Variants in JAZF1 observed in about 807,000 individuals in gnomAD.
The protein encoded by JAZF1 is JAZF zinc finger 1.
Under a neutral mutation model 26.4 loss-of-function variants are expected in JAZF1, and 8 were observed. The observed-to-expected ratio is 0.30, with a 90% CI of 0.18 to 0.55. The LOEUF (loss-of-function observed/expected upper bound fraction) is 0.55. Among genes scored for constraint, JAZF1 ranks in the 20% least tolerant of loss-of-function variants. JAZF1 has a pLI of 0.94. For missense variants in JAZF1, 199 were observed against 322.0 expected (o/e 0.62, Z 2.92); for synonymous variants, 126 against 122.3 (o/e 1.03, Z -0.20).
intron 2 of JAZF1, among the ~76,000 whole-genome samples, chr7:27,959,730 T>G (rs904477551): frequency 6.7e-6 from 1 of 148,244 alleles, no homozygotes; most frequent in Non-Finnish European, 1.5e-5. Flanking sequence ...CGAAACACCA[T>G]CTCTACTAAA....
intron 2 of JAZF1, among the ~76,000 whole-genome samples, chr7:27,931,145 T>C (rs1468879731): frequency 6.6e-6 from 1 of 152,226 alleles, no homozygotes; most frequent in Non-Finnish European, 1.5e-5. Flanking sequence ...AAACTTTCTG[T>C]AAAGGGTCAG....
At chr7:28,146,693 T>C (rs1015850185) in intron 1 of JAZF1, among the ~76,000 whole-genome samples, 3 of 152,190 alleles carry the variant, frequency 2.0e-5, no homozygotes, top group Non-Finnish European at 2.9e-5. Flanking sequence ...CATTTAAAAA[T>C]AGAAGTTCTG....
intron 2 of JAZF1, among the ~76,000 whole-genome samples, chr7:27,929,953 T>TCTCTCTCCCC (rs1446947688): frequency 6.6e-6 from 1 of 151,572 alleles, no homozygotes; most frequent in Non-Finnish European, 1.5e-5. Flanking sequence ...TCTCTCTCTC[T>TCTCTCTCCCC]CTCTCTCCCC....
intron 1 of JAZF1, among the ~76,000 whole-genome samples, chr7:28,001,091 T>A (rs1453530533): frequency 6.6e-6 from 1 of 151,984 alleles, no homozygotes; most frequent in African/African-American, 2.4e-5. Context: ...CAGTGGCTCA[T>A]GTCTGTAATC....
chr7:28,121,143 T>C (rs1782594666), intron 1 of JAZF1, among the ~76,000 whole-genome samples: 1 of 136,878 alleles, frequency 7.3e-6, no homozygotes, highest in Non-Finnish European at 1.5e-5. Flanking sequence ...GAAATTGCAG[T>C]GAGCCGAGAT....
intron 1 of JAZF1, among the ~76,000 whole-genome samples, chr7:28,054,354 A>T (rs1045672175): frequency 1.3e-5 from 2 of 152,210 alleles, no homozygotes; most frequent in Non-Finnish European, 2.9e-5. Flanking sequence ...CCTTTATAAC[A>T]ACTGATACAT....
At chr7:28,078,610 T>C (rs955021154) in intron 1 of JAZF1, among the ~76,000 whole-genome samples, 1 of 152,238 alleles carries the variant, frequency 6.6e-6, no homozygotes, top group Admixed American at 6.5e-5. Context: ...CCACTTGACA[T>C]GAAATATACA....
intron 3 of JAZF1, among the ~76,000 whole-genome samples, chr7:27,875,732 C>G (rs1405850680): frequency 6.6e-6 from 1 of 152,214 alleles, no homozygotes; most frequent in Non-Finnish European, 1.5e-5. Context: ...TCTGTCTCCC[C>G]ACTAGTCTCT....
intron 1 of JAZF1, among the ~76,000 whole-genome samples, chr7:28,076,354 A>G (rs1161392981): frequency 6.6e-6 from 1 of 152,354 alleles, no homozygotes; most frequent in East Asian, 1.9e-4. Flanking sequence ...AGAAACTGTG[A>G]CAATAAAAAT....
At chr7:27,981,465 G>A (rs1199348953) in intron 2 of JAZF1, among the ~76,000 whole-genome samples, 2 of 152,156 alleles carry the variant, frequency 1.3e-5, no homozygotes, top group Non-Finnish European at 2.9e-5. Context: ...GGAGAAATCT[G>A]AATATTAGAT....
In JAZF1 at chr7:27,832,997, T is replaced by G. The variant is rs1184062916; in HGVS notation, c.556-21A>C. On this transcript the variant is annotated intron_variant, in intron 4 of 4. Transcript: ENST00000283928. ...ACATTCTGTGGAGAAGACAAAAATA[T>G]TTATTACATGGATTCACAGGATACC... 7 of 1,527,230 alleles carry G rather than the reference T, an allele frequency of 4.6e-6. No homozygotes were observed. The Admixed American group carries it at 1.0e-4, about 23-fold the overall frequency. 94.6% of individuals were successfully genotyped at this position (1,527,230 alleles called of 1,614,324 possible). A position where few individuals can be genotyped will look rare whatever the true frequency, so the allele number is the denominator to read the frequency against.
At chr7:27,912,248 T>G (rs1201282898) in intron 2 of JAZF1, among the ~76,000 whole-genome samples, 1 of 152,228 alleles carries the variant, frequency 6.6e-6, no homozygotes, top group East Asian at 1.9e-4. Context: ...TCACTTACAC[T>G]TCTTTCAGTT....
chr7:28,122,469 T>C (rs750530431), intron 1 of JAZF1, among the ~76,000 whole-genome samples: 1 of 152,104 alleles, frequency 6.6e-6, no homozygotes, highest in Non-Finnish European at 1.5e-5. Context: ...CTGGAGCTCT[T>C]TTGGGTGTCT....
intron 3 of JAZF1, chr7:27,842,022 A>C (rs1782933654): frequency 6.6e-6 from 1 of 152,096 alleles, no homozygotes; most frequent in Admixed American, 6.5e-5. Flanking sequence ...ACTCTGCTAC[A>C]TCAATTATTT....
At chr7:27,871,674 G>A (rs1783584256) in intron 3 of JAZF1, among the ~76,000 whole-genome samples, 1 of 152,200 alleles carries the variant, frequency 6.6e-6, no homozygotes, top group South Asian at 2.1e-4. Flanking sequence ...GTGCATCCAA[G>A]AGAAATGTTT....
At chr7:27,877,578 T>C (rs1783700492) in intron 3 of JAZF1, among the ~76,000 whole-genome samples, 1 of 152,188 alleles carries the variant, frequency 6.6e-6, no homozygotes. Flanking sequence ...AGAAAACACC[T>C]GTCTAGAAAG....
intron 1 of JAZF1, among the ~76,000 whole-genome samples, chr7:28,120,552 G>T (rs1782585721): frequency 8.8e-6 from 1 of 113,154 alleles, no homozygotes; most frequent in African/African-American, 3.5e-5. Context: ...TCTGTTGCCA[G>T]GCTGGAGTGC....
chr7:28,153,440 T>C (rs1783137729), intron 1 of JAZF1, among the ~76,000 whole-genome samples: 1 of 152,278 alleles, frequency 6.6e-6, no homozygotes, highest in South Asian at 2.1e-4. Context: ...AATAACCAGA[T>C]TGCAGGTTTT....
At chr7:28,015,803 T>C (rs1443811170) in intron 1 of JAZF1, among the ~76,000 whole-genome samples, 2 of 152,226 alleles carry the variant, frequency 1.3e-5, no homozygotes, top group South Asian at 2.1e-4. Context: ...CCTCTTTGTA[T>C]TGTCAGCTCT....
Sources: allele counts gnomAD v4.1 joint callset (sites outside exome capture counted in the v4.1 genomes callset), GRCh38; gene constraint gnomAD v4.1.1; transcripts MANE v1.5; gene names NCBI Gene and HGNC (gene_info 2026-07-23, HGNC 2026-07-21).